Variants in ERMARD observed in about 807,000 individuals in gnomAD.
ERMARD encodes ER membrane associated RNA degradation.
Under a neutral mutation model 83.9 loss-of-function variants are expected in ERMARD, and 71 were observed. That is an observed-to-expected ratio of 0.85 (90% CI 0.70 to 1.03). The LOEUF (loss-of-function observed/expected upper bound fraction) is 1.03. Among genes scored for constraint, ERMARD ranks in the 50% least tolerant of loss-of-function variants. The pLI is 0.00. For synonymous variants in ERMARD, 284 were observed against 298.6 expected (o/e 0.95, Z 0.50); for missense variants, 838 against 810.9 (o/e 1.03, Z -0.41).
At chr6:169,766,104 A>C (rs536027401) in intron 9 of ERMARD, among the ~76,000 whole-genome samples, 376 of 152,338 alleles carry the variant, frequency 2.5e-3, no homozygotes, top group Non-Finnish European at 3.0e-3. Context: ...CTCCTTTTGC[A>C]GAGAAAACCT....
chr6:169,751,436 A>G, upstream of ERMARD: 2 of 1,613,848 alleles, frequency 1.2e-6, no homozygotes, highest in Non-Finnish European at 1.7e-6. Context: ...GCTCGACTTC[A>G]CGCCTCGGCC....
Position 169,751,640 on chromosome 6 carries a change from A to G in ERMARD, c.-18A>G. ...CGCCTGCGTCATTCACGCGCGCCGC[A>G]GCGGGGCACCGGAAGTTATGGAGGT... On this transcript the variant is annotated 5_prime_UTR_variant, in exon 1 of 18. Coordinates refer to ENST00000366773, the MANE Select transcript of ERMARD (RefSeq NM_018341.3). 6.4e-7 allele frequency: 1 copy of G among 1,568,768 alleles called. No individual in the cohort carries two copies. Among genetic ancestry groups the G allele is most frequent in the Admixed American group, 1.9e-5 (1 of 52,376 alleles).
At chr6:169,752,775 T>G (rs2128339418) in intron 1 of ERMARD, among the ~76,000 whole-genome samples, 1 of 152,266 alleles carries the variant, frequency 6.6e-6, no homozygotes, top group African/African-American at 2.4e-5. Flanking sequence ...ATGGTCTTAG[T>G]GTCATGTGGG....
chr6:169,755,556 GA>G (rs765693535), intron 3 of ERMARD, 134 bp downstream of exon 3: 4 of 1,111,920 alleles, frequency 3.6e-6, no homozygotes, highest in Non-Finnish European at 2.5e-6. Flanking sequence ...GGTTGTAAGA[GA>G]ACCCTGGGCT....
At chr6:169,779,340 C>T in intron 17 of ERMARD, 45 bp downstream of exon 17, 1 of 1,549,496 alleles carries the variant, frequency 6.5e-7, no homozygotes, top group Non-Finnish European at 8.9e-7. Flanking sequence ...CATCGTGGGG[C>T]AGATTGCGGG....
At position 169,776,499 on chromosome 6, in the gene ERMARD, C is replaced by T; in HGVS notation, c.1565C>T (p.Thr522Ile). The change falls in exon 16 of 18, where the codon ACC (threonine) becomes ATC (isoleucine). Residue 522 changes from threonine to isoleucine, a missense_variant. By Grantham distance (89) the Thr-to-Ile change is moderately conservative. Transcript: ENST00000366773. Reference protein sequence around the residue: ...LRELCSTPVPTLFCPRIVLEV... With the variant: ...LRELCSTPVPILFCPRIVLEV... The stretch of plus-strand genomic sequence containing the variant: ...GAGCTCTGCAGCACACCTGTTCCCA[C>T]CCTGTTCTGCCCCAGGATTGTGCTG... 3.7e-6 allele frequency: 6 copies of T among 1,614,176 alleles called. 1 individual carries two copies. Among genetic ancestry groups the T allele is most frequent in the East Asian group, 4.5e-5 (2 of 44,882 alleles).
chr6:169,751,481 C>T (rs772406637), upstream of ERMARD: 8 of 1,612,378 alleles, frequency 5.0e-6, no homozygotes, highest in South Asian at 8.8e-5. Flanking sequence ...TCCAAGACGC[C>T]CACCGCCTCC....
At chr6:169,777,344 A>G (rs1289787318) in intron 16 of ERMARD, among the ~76,000 whole-genome samples, 1 of 152,232 alleles carries the variant, frequency 6.6e-6, no homozygotes, top group African/African-American at 2.4e-5. Flanking sequence ...CTTGAGGCCC[A>G]TGAGGAATTT....
intron 16 of ERMARD, among the ~76,000 whole-genome samples, chr6:169,777,979 C>A (rs1472635491): frequency 2.6e-5 from 4 of 152,174 alleles, no homozygotes; most frequent in Non-Finnish European, 5.9e-5. Context: ...GAGCCTATCC[C>A]GGCTGCTCTG....
intron 3 of ERMARD, 69 bp downstream of exon 3, chr6:169,755,491 C>T (rs1790689109): frequency 3.2e-6 from 5 of 1,572,474 alleles, no homozygotes; most frequent in Middle Eastern, 1.8e-4. Context: ...GTACTATTTG[C>T]CAATTTTAAA....
At chr6:169,771,045 G>C (rs1418948377) in intron 12 of ERMARD, 2 of 149,566 alleles carry the variant, frequency 1.3e-5, no homozygotes, top group Non-Finnish European at 3.0e-5. Flanking sequence ...CATTTTCTCT[G>C]ATACTTCTAT....
chr6:169,767,595 TAC>T (rs139970542), intron 10 of ERMARD: 53 of 159,348 alleles, frequency 3.3e-4, no homozygotes, highest in South Asian at 8.4e-4. Flanking sequence ...ATACCACACA[TAC>T]ACACACACAC....
At chr6:169,763,207 T>C (rs1791773255) in intron 9 of ERMARD, among the ~76,000 whole-genome samples, 1 of 152,192 alleles carries the variant, frequency 6.6e-6, no homozygotes, top group Non-Finnish European at 1.5e-5. Flanking sequence ...CGAAATAATA[T>C]GGCTGCAGTG....
At chr6:169,778,593 ATC>A (rs766604222) in intron 16 of ERMARD, among the ~76,000 whole-genome samples, 1 of 152,226 alleles carries the variant, frequency 6.6e-6, no homozygotes, top group Non-Finnish European at 1.5e-5. Context: ...TTACATAGAT[ATC>A]GCTGGATTCC....
chr6:169,767,310 G>A (rs939460266), intron 10 of ERMARD: 5 of 152,268 alleles, frequency 3.3e-5, no homozygotes, highest in Non-Finnish European at 5.9e-5. Flanking sequence ...TGAACAATCT[G>A]TTGTGATTTT....
intron 9 of ERMARD, among the ~76,000 whole-genome samples, chr6:169,763,407 C>T (rs927304362): frequency 1.3e-5 from 2 of 152,224 alleles, no homozygotes; most frequent in African/African-American, 4.8e-5. Flanking sequence ...ATCTGCTTTC[C>T]AGCCAGCAGG....
At chr6:169,761,833 C>T (rs2128347614) in intron 8 of ERMARD, among the ~76,000 whole-genome samples, 1 of 152,186 alleles carries the variant, frequency 6.6e-6, no homozygotes, top group Middle Eastern at 3.4e-3. Flanking sequence ...TAGGCATGCA[C>T]CACCACGCCT....
intron 11 of ERMARD, among the ~76,000 whole-genome samples, chr6:169,768,529 G>T (rs144138181): frequency 6.6e-6 from 1 of 152,326 alleles, no homozygotes; most frequent in African/African-American, 2.4e-5. Context: ...AGGCCAAGGC[G>T]GGCAGATCAC....
intron 5 of ERMARD, among the ~76,000 whole-genome samples, 172 bp downstream of exon 5, chr6:169,756,980 A>G (rs888807425): frequency 3.9e-5 from 6 of 152,228 alleles, no homozygotes; most frequent in Admixed American, 3.9e-4. Context: ...ACAGGGCGGC[A>G]GCAAGGGAAA....
Sources: allele counts gnomAD v4.1 joint callset (sites outside exome capture counted in the v4.1 genomes callset), GRCh38; gene constraint gnomAD v4.1.1; transcripts MANE v1.5; gene names NCBI Gene and HGNC (gene_info 2026-07-23, HGNC 2026-07-21).